IGFL2: variants seen among roughly 807,000 people sequenced by gnomAD.
The protein encoded by IGFL2 is IGF like family member 2.
Under a neutral mutation model 13.9 loss-of-function variants are expected in IGFL2, and 7 were observed. That is an observed-to-expected ratio of 0.51 (90% CI 0.29 to 0.95). The LOEUF (loss-of-function observed/expected upper bound fraction) is 0.95, where lower values mean the gene tolerates loss of function less well. Among genes scored for constraint, IGFL2 ranks in the 40% least tolerant of loss-of-function variants. The pLI, the probability that IGFL2 is intolerant of heterozygous loss-of-function variation, is 0.08. For missense variants in IGFL2, 138 were observed against 147.8 expected, an observed-to-expected ratio of 0.93 and a Z score of 0.34; for synonymous variants, 55 against 55.8, an observed-to-expected ratio of 0.99 and a Z score of 0.07.
intron 1 of IGFL2, chr19:46,149,176 T>TTC: frequency 3.1e-6 from 2 of 647,306 alleles, no homozygotes; most frequent in South Asian, 3.5e-5. Flanking sequence ...TCTCTCTCTC[T>TTC]TCTCTCTCTC....
the IGFL2 span, among the ~76,000 whole-genome samples, chr19:46,201,519 C>T: frequency 6.6e-6 from 1 of 152,198 alleles, no homozygotes; most frequent in African/African-American, 2.4e-5. Flanking sequence ...GCTCCCAAGC[C>T]TTTACGCGTC....
At chr19:46,176,313 A>C in the IGFL2 span, among the ~76,000 whole-genome samples, 1 of 152,122 alleles carries the variant, frequency 6.6e-6, no homozygotes, top group Non-Finnish European at 1.5e-5. Flanking sequence ...TATATTGTTT[A>C]GGAGAGAATT....
chr19:46,120,119 G>A, the IGFL2 span: 3 of 618,006 alleles, frequency 4.9e-6, no homozygotes, highest in South Asian at 2.2e-5. Context: ...GGCTCTCAGC[G>A]GGAAGGGGAG....
At chr19:46,182,365 T>TAAAAAAAAAAAAAAAAAAAA in the IGFL2 span, among the ~76,000 whole-genome samples, 1 of 78,692 alleles carries the variant, frequency 1.3e-5, no homozygotes, top group African/African-American at 4.6e-5. Context: ...AGACTTTGCC[T>TAAAAAAAAAAAAAAAAAAAA]AAAAAAAAAA....
the IGFL2 span, among the ~76,000 whole-genome samples, chr19:46,119,142 C>G: frequency 6.6e-6 from 1 of 152,140 alleles, no homozygotes. Flanking sequence ...GTTCCACACC[C>G]TGCTGGGAGA....
At chr19:46,109,698 A>G in the IGFL2 span, among the ~76,000 whole-genome samples, 1 of 151,970 alleles carries the variant, frequency 6.6e-6, no homozygotes, top group East Asian at 1.9e-4. Flanking sequence ...TTACCTTCTC[A>G]AGGGTGGGGA....
At chr19:46,108,936 C>T in the IGFL2 span, among the ~76,000 whole-genome samples, 2 of 152,202 alleles carry the variant, frequency 1.3e-5, no homozygotes, top group African/African-American at 4.8e-5. Context: ...GAAAAGACCG[C>T]TTACCTGATT....
At chr19:46,188,892 T>C in the IGFL2 span, among the ~76,000 whole-genome samples, 1 of 152,228 alleles carries the variant, frequency 6.6e-6, no homozygotes, top group African/African-American at 2.4e-5. Context: ...TGTGGGAGCA[T>C]GGCAGGCAAC....
the IGFL2 span, among the ~76,000 whole-genome samples, chr19:46,087,482 C>T: frequency 6.6e-6 from 1 of 152,070 alleles, no homozygotes; most frequent in Non-Finnish European, 1.5e-5. Flanking sequence ...GTTCTCAGGC[C>T]CCCAGATGAT....
the IGFL2 span, among the ~76,000 whole-genome samples, chr19:46,107,601 G>A: frequency 6.6e-6 from 1 of 152,174 alleles, no homozygotes; most frequent in Admixed American, 6.5e-5. Flanking sequence ...GTGTGGGTGG[G>A]GTTTCTCTCA....
chr19:46,154,774 G>A (rs1973720876), intron 1 of IGFL2, among the ~76,000 whole-genome samples: 2 of 152,126 alleles, frequency 1.3e-5, no homozygotes, highest in African/African-American at 4.8e-5. Context: ...TGTTACTACT[G>A]TCATGGAATT....
At chr19:46,143,484 T>G (rs1972954914), upstream of IGFL2, among the ~76,000 whole-genome samples, 1 of 151,634 alleles carries the variant, frequency 6.6e-6, no homozygotes, top group Non-Finnish European at 1.5e-5. Flanking sequence ...CGCTCCAGCC[T>G]TGAATTCCTG....
chr19:46,130,309 C>T, the IGFL2 span, among the ~76,000 whole-genome samples: 1 of 152,002 alleles, frequency 6.6e-6, no homozygotes, highest in Non-Finnish European at 1.5e-5. Flanking sequence ...TTATTTAAAC[C>T]AAATACTACA....
the IGFL2 span, among the ~76,000 whole-genome samples, chr19:46,085,942 A>G: frequency 6.6e-6 from 1 of 152,206 alleles, no homozygotes; most frequent in Non-Finnish European, 1.5e-5. Context: ...GACACCAACA[A>G]TTCAAATATT....
At chr19:46,100,545 G>C in the IGFL2 span, among the ~76,000 whole-genome samples, 31 of 152,194 alleles carry the variant, frequency 2.0e-4, no homozygotes, top group South Asian at 1.0e-3. Context: ...AACACAAACA[G>C]AATGTGGTAG....
At chr19:46,149,372 CT>C (rs1973347533) in intron 1 of IGFL2, among the ~76,000 whole-genome samples, 2 of 143,892 alleles carry the variant, frequency 1.4e-5, no homozygotes, top group Admixed American at 1.4e-4. Flanking sequence ...TTCTCTTCCC[CT>C]CTCCCCTCCC....
At chr19:46,177,519 A>G in the IGFL2 span, among the ~76,000 whole-genome samples, 1 of 152,194 alleles carries the variant, frequency 6.6e-6, no homozygotes, top group Non-Finnish European at 1.5e-5. Flanking sequence ...ATAAGAATAA[A>G]AAAAGATGTA....
the IGFL2 span, among the ~76,000 whole-genome samples, chr19:46,078,718 G>T: frequency 6.6e-6 from 1 of 152,172 alleles, no homozygotes; most frequent in Non-Finnish European, 1.5e-5. Context: ...ACTCTCTCTG[G>T]GGGTATTTGA....
intron 1 of IGFL2, chr19:46,148,864 G>T: frequency 6.6e-7 from 1 of 1,522,120 alleles, no homozygotes. Context: ...CTCAGGAGTG[G>T]AGACTAGATC....
Sources: allele counts gnomAD v4.1 joint callset (sites outside exome capture counted in the v4.1 genomes callset), GRCh38; gene constraint gnomAD v4.1.1; transcripts MANE v1.5; gene names NCBI Gene and HGNC (gene_info 2026-07-23, HGNC 2026-07-21).